TRIM66: variants seen among roughly 807,000 people sequenced by gnomAD.
The protein encoded by TRIM66 is tripartite motif-containing protein 66.
A neutral mutation model predicts 148.2 loss-of-function variants in TRIM66; 99 were observed. The ratio of observed to expected loss-of-function variants is 0.67; its 90% CI spans 0.57 to 0.79. The LOEUF is 0.79. Ranked by LOEUF, TRIM66 falls within the 30% of genes least tolerant of loss-of-function variation. TRIM66 has a pLI of 0.00. For missense variants in TRIM66, 1,666 were observed against 1,697.9 expected (o/e 0.98, Z 0.33); for synonymous variants, 616 against 635.9 (o/e 0.97, Z 0.47).
chr11:8,618,844 A>G lies in TRIM66; in HGVS notation c.4025T>C (p.Val1342Ala), dbSNP rs140374311. Residue 1342 changes from valine to alanine, a missense_variant, in exon 24 of 25, where the codon GTG (valine) becomes GCG (alanine). This residue lies in a region of TRIM66 where 204 missense variants were observed against 231.0 expected (regional missense o/e 0.88). Transcript: ENST00000646038. ...AGTGGAACATCCACTCTCACTAGAC[A>G]CCTCCTCGGAGTCTGAGTCCTCCTG... ...PRQEDSDSEE[V>A]SSESGCSTPQ... The G allele has an allele frequency of 6.4e-7, 1 of 1,550,724 alleles. No individual in the cohort carries two copies. Among genetic ancestry groups the G allele is most frequent in the Non-Finnish European group, 8.7e-7 (1 of 1,146,822 alleles).
In TRIM66 at chr11:8,624,446, C is replaced by T. The variant is rs1350632796; in HGVS notation, c.2932G>A (p.Glu978Lys). ...TTCTTCACAGAGAGGTTAATTGGCT[C>T]CTCCAGTTCTGAGGGGATGGCCAAG... ...KDLAIPSELE[E>K]PINLSVKKPP... is the part of the protein sequence containing the mutation. Residue 978 changes from glutamate (E) to lysine (K), a missense_variant, in exon 17 of 25, where the codon GAG becomes AAG. Glu to Lys is a moderately conservative substitution (Grantham distance 56). This residue lies in a region of TRIM66 where 1,431 missense variants were observed against 1,412.4 expected (regional missense o/e 1.01). Coordinates refer to ENST00000646038, the MANE Select transcript of TRIM66 (RefSeq NM_001388022.1). 2.6e-6 allele frequency: 4 copies of T among 1,551,530 alleles called. No individual in the cohort carries two copies. The highest frequency in any genetic ancestry group is 1.4e-5 in the African/African-American group (1 of 73,042).
chr11:8,630,004 G>A (rs904736005), intron 15 of TRIM66, among the ~76,000 whole-genome samples: 1 of 152,076 alleles, frequency 6.6e-6, no homozygotes, highest in African/African-American at 2.4e-5. Flanking sequence ...ATACTATATC[G>A]GCTCTCTAGA....
chr11:8,638,728 C>T lies in TRIM66; in HGVS notation c.2236G>A (p.Gly746Arg). 3.2e-6 allele frequency: 5 copies of T among 1,549,928 alleles called. No homozygotes were observed. The highest frequency in any genetic ancestry group is 4.4e-6 in the Non-Finnish European group (5 of 1,146,318). Residue 746 changes from glycine to arginine, a missense_variant, in exon 15 of 25, where the codon GGG (glycine) becomes AGG (arginine). Gly to Arg is a moderately radical substitution (Grantham distance 125). Transcript: ENST00000646038. ...NTAAALPQAS[G>R]EETPLSVPPV... ...GGGACACTGAGAGGGGTTTCTTCCC[C>T]AGACGCCTGGGGCAAGGCAGCAGCA...
chr11:8,621,893 A>G, intron 18 of TRIM66, 74 bp from the exon 19 acceptor site: 13 of 1,371,222 alleles, frequency 9.5e-6, no homozygotes, highest in Non-Finnish European at 1.3e-5. Context: ...AGAAACATCC[A>G]TGATCCCTGT....
chr11:8,668,212 C>T (rs2038718536), intron 6 of TRIM66, among the ~76,000 whole-genome samples: 1 of 151,280 alleles, frequency 6.6e-6, no homozygotes, highest in Non-Finnish European at 1.5e-5. Flanking sequence ...GTTATTTGTA[C>T]TTCATCTTTG....
At chr11:8,646,300 G>C (rs1274930156) in intron 11 of TRIM66, 147 bp downstream of exon 11, 5 of 688,522 alleles carry the variant, frequency 7.3e-6, no homozygotes, top group Non-Finnish European at 1.2e-5. Flanking sequence ...CCCAAAATTA[G>C]GCTGACATTT....
chr11:8,682,961 G>T, upstream of TRIM66: 2 of 1,156,568 alleles, frequency 1.7e-6, no homozygotes, highest in Non-Finnish European at 2.5e-6. Flanking sequence ...GGCCGGCGCG[G>T]GCCCGGGGCG....
chr11:8,650,284 G>T (rs2037240962), intron 7 of TRIM66, among the ~76,000 whole-genome samples: 2 of 152,074 alleles, frequency 1.3e-5, no homozygotes, highest in African/African-American at 4.8e-5. Flanking sequence ...GAGGTGGGAA[G>T]ATCGCTTGAG....
intron 10 of TRIM66, among the ~76,000 whole-genome samples, chr11:8,647,473 A>G (rs1422978739): frequency 6.6e-6 from 1 of 152,160 alleles, no homozygotes; most frequent in Non-Finnish European, 1.5e-5. Context: ...AAAATAATGC[A>G]TATATGATAC....
intron 21 of TRIM66, 67 bp from the exon 22 acceptor site, chr11:8,620,191 T>C (rs1303353899): frequency 3.4e-6 from 5 of 1,453,700 alleles, no homozygotes; most frequent in South Asian, 2.5e-5. Flanking sequence ...ACTAAAGATG[T>C]TGACCCTGAT....
At chr11:8,679,310 T>C (rs984336838) in intron 3 of TRIM66, 4 of 152,222 alleles carry the variant, frequency 2.6e-5, no homozygotes, top group Non-Finnish European at 4.4e-5. Context: ...GAAAACTGGA[T>C]TGAGCCAGAC....
At chr11:8,671,609 T>C (rs1001963194) in intron 6 of TRIM66, 177 bp downstream of exon 6, 1 of 585,670 alleles carries the variant, frequency 1.7e-6, no homozygotes, top group Non-Finnish European at 3.1e-6. Context: ...AACAGATATA[T>C]TAGGCATCAA....
At position 8,640,177 on chromosome 11, in the gene TRIM66, G is replaced by C. The variant is rs888924000; in HGVS notation, c.2148+50C>G. 2.0e-6 allele frequency: 3 copies of C among 1,510,482 alleles called. No homozygotes were observed. The African/African-American group carries it at 4.1e-5, about 21-fold the overall frequency. 93.6% of individuals were successfully genotyped at this position (1,510,482 alleles called of 1,614,324 possible). ...TTTTTGGGGAGGCTGTGTTCCCTGA[G>C]TGATCCTACGATGGGCAGAATATGC... On this transcript the variant is annotated intron_variant, in intron 14 of 24. Transcript: ENST00000646038.
chr11:8,638,532 T>G (rs2036089163), intron 15 of TRIM66, 122 bp downstream of exon 15: 1 of 1,090,876 alleles, frequency 9.2e-7, no homozygotes, highest in Non-Finnish European at 1.3e-6. Context: ...ATCAGGGCTG[T>G]GTAGCGTCCA....
At position 8,658,389 on chromosome 11, in the gene TRIM66, G is replaced by A. The variant is rs144748284; in HGVS notation, c.341-6486C>T. Among the ~76,000 whole-genome samples the A allele has an allele frequency of 1.6e-4, 24 of 152,254 alleles. No homozygotes were observed. The East Asian group carries it at 4.1e-3, about 26-fold the overall frequency. ...CTCTGTCGCCCTCTGCACAGCTCGG[G>A]AGACAGCACTCTCAGCCTTTTAGGA... On this transcript the variant is annotated intron_variant, in intron 6 of 24. Transcript: ENST00000646038.
At position 8,658,834 on chromosome 11, in the gene TRIM66, G is replaced by A. The variant is rs79413888; in HGVS notation, c.341-6931C>T. 5.5e-3 allele frequency: 5,367 copies of A among 984,610 alleles called. 150 individuals are homozygous for A. In the African/African-American group the frequency reaches 0.068, roughly 12 times the overall value. The allele number at this position is 984,610 out of a possible 1,614,324, so 61.0% of individuals were successfully genotyped here. A position where few individuals can be genotyped will look rare whatever the true frequency, so the allele number is the denominator to read the frequency against. On this transcript the variant is annotated intron_variant, in intron 6 of 24. Transcript: ENST00000646038. The stretch of plus-strand genomic sequence containing the variant: ...GGGCCTTCAACAGACATTGAAATCT[G>A]TCTCCTACATACTCACCTGCTCCTG...
At position 8,638,785 on chromosome 11, in the gene TRIM66, A is replaced by G. The variant is rs1166051526; in HGVS notation, c.2179T>C (p.Ser727Pro). Residue 727 changes from serine to proline, a missense_variant, in exon 15 of 25, where the codon TCA becomes CCA. Around this residue, in one of 3 missense-constraint regions of TRIM66, gnomAD observed 1,431 missense variants for 1,412.4 expected, o/e 1.01. Coordinates refer to ENST00000646038, the MANE Select transcript of TRIM66 (RefSeq NM_001388022.1). ...TTGTCAAGAGGGAGAGCCGGCTTTG[A>G]GCCCTGAGATGCTGGGGGCTCATCT... ...ATDEPPASQG[S>P]KPALPLDKNT... The G allele has an allele frequency of 1.1e-5, 17 of 1,551,338 alleles. No homozygotes were observed. Among genetic ancestry groups the G allele is most frequent in the Non-Finnish European group, 1.4e-5 (16 of 1,146,856 alleles).
chr11:8,620,338 G>T, intron 21 of TRIM66, 108 bp downstream of exon 21: 1 of 1,482,200 alleles, frequency 6.7e-7, no homozygotes, highest in Non-Finnish European at 9.0e-7. Context: ...ATAGGACGAA[G>T]AAATGTATCC....
At chr11:8,675,850 T>G (rs1001971964) in intron 3 of TRIM66, among the ~76,000 whole-genome samples, 8 of 152,194 alleles carry the variant, frequency 5.3e-5, no homozygotes, top group Non-Finnish European at 1.0e-4. Flanking sequence ...GCGATTCTCC[T>G]GCCTCAGCCT....
Sources: gnomAD v4.1 joint callset for allele counts (sites outside exome capture counted in the v4.1 genomes callset) on GRCh38, gnomAD v4.1.1 for gene constraint, gnomAD v4.1.1 regional missense constraint, MANE v1.5 for transcripts, NCBI Gene and HGNC (gene_info 2026-07-23, HGNC 2026-07-21) for gene names.